Variants in NREP observed in about 807,000 individuals in gnomAD.
NREP encodes the protein neuronal regeneration-related protein.
A neutral mutation model predicts 8.6 loss-of-function variants in NREP; 5 were observed. That is an observed-to-expected ratio of 0.58 (90% CI 0.30 to 1.22). The LOEUF (loss-of-function observed/expected upper bound fraction) is 1.22, where lower values mean the gene tolerates loss of function less well. Ranked by LOEUF, NREP falls within the 50% of genes most tolerant of loss-of-function variation. The pLI is 0.07. For missense variants in NREP, 86 were observed against 82.5 expected, an observed-to-expected ratio of 1.04 and a Z score of -0.17; for synonymous variants, 27 against 28.0, an observed-to-expected ratio of 0.96 and a Z score of 0.11.
chr5:111,817,413 GT>G (rs1464851630), intron 2 of NREP, among the ~76,000 whole-genome samples: 4 of 152,104 alleles, frequency 2.6e-5, no homozygotes, highest in African/African-American at 9.7e-5. Context: ...GATTTCTGAA[GT>G]TTTTGTCAAT....
intron 2 of NREP, among the ~76,000 whole-genome samples, chr5:111,932,786 C>T (rs182413197): frequency 1.3e-5 from 2 of 152,102 alleles, no homozygotes; most frequent in Middle Eastern, 3.4e-3. Context: ...TTCATACTGC[C>T]GCGGAAGCCA....
chr5:111,825,214 AAAAT>A (rs1215983588), intron 2 of NREP, among the ~76,000 whole-genome samples: 15 of 152,082 alleles, frequency 9.9e-5, no homozygotes, highest in East Asian at 1.9e-4. Context: ...TAAATATAGA[AAAAT>A]AAATAAATAA....
At chr5:111,841,461 C>G (rs983965369) in intron 2 of NREP, among the ~76,000 whole-genome samples, 1 of 152,108 alleles carries the variant, frequency 6.6e-6, no homozygotes, top group African/African-American at 2.4e-5. Context: ...GTCTCTATAG[C>G]AGTAGCTGGA....
chr5:111,853,981 A>G (rs896786549), intron 2 of NREP, among the ~76,000 whole-genome samples: 1 of 152,130 alleles, frequency 6.6e-6, no homozygotes, highest in Admixed American at 6.6e-5. Flanking sequence ...CCAATTAAAT[A>G]TCACATTTTC....
At chr5:111,968,213 A>G (rs1219729198) in intron 2 of NREP, among the ~76,000 whole-genome samples, 1 of 151,990 alleles carries the variant, frequency 6.6e-6, no homozygotes, top group Non-Finnish European at 1.5e-5. Context: ...TGCCTTTTTA[A>G]AAATCTTAAA....
At chr5:111,891,741 A>C (rs1298333349) in intron 2 of NREP, among the ~76,000 whole-genome samples, 1 of 152,188 alleles carries the variant, frequency 6.6e-6, no homozygotes, top group Non-Finnish European at 1.5e-5. Context: ...GAGCAGGAGC[A>C]AGAGGGGAGA....
At chr5:111,935,761 T>A (rs949271519) in intron 2 of NREP, among the ~76,000 whole-genome samples, 1 of 152,090 alleles carries the variant, frequency 6.6e-6, no homozygotes, top group African/African-American at 2.4e-5. Flanking sequence ...AGGAATACCA[T>A]CCCCTTTCTA....
intron 2 of NREP, among the ~76,000 whole-genome samples, chr5:111,809,284 G>C (rs1197637074): frequency 6.6e-6 from 1 of 152,110 alleles, no homozygotes; most frequent in Admixed American, 6.5e-5. Flanking sequence ...TCTACTTTCA[G>C]TCCAACCCTA....
At chr5:111,788,862 G>T (rs1175505303) in intron 2 of NREP, among the ~76,000 whole-genome samples, 1 of 152,192 alleles carries the variant, frequency 6.6e-6, no homozygotes, top group African/African-American at 2.4e-5. Context: ...TAATGTGGGT[G>T]GGCCTCATCC....
chr5:111,975,244 C>A, intron 2 of NREP: 1 of 1,490,840 alleles, frequency 6.7e-7, no homozygotes, highest in Non-Finnish European at 9.2e-7. Flanking sequence ...TTAACAAACA[C>A]GAGCAAATCA....
At chr5:111,810,458 T>C (rs1026469067) in intron 2 of NREP, among the ~76,000 whole-genome samples, 1 of 152,226 alleles carries the variant, frequency 6.6e-6, no homozygotes, top group African/African-American at 2.4e-5. Flanking sequence ...TGGCCCAGAT[T>C]GGAACCGCCC....
At chr5:111,914,265 C>T (rs147637469) in intron 2 of NREP, among the ~76,000 whole-genome samples, 59 of 152,222 alleles carry the variant, frequency 3.9e-4, no homozygotes, top group African/African-American at 1.4e-3. Flanking sequence ...TATTCAAAGA[C>T]CTATGCTAAC....
At chr5:111,856,557 C>G (rs1753432341) in intron 2 of NREP, among the ~76,000 whole-genome samples, 1 of 152,162 alleles carries the variant, frequency 6.6e-6, no homozygotes, top group African/African-American at 2.4e-5. Flanking sequence ...AAATCTCCAT[C>G]TGAATTCCAG....
At chr5:111,792,139 G>C (rs958043922) in intron 2 of NREP, among the ~76,000 whole-genome samples, 1 of 152,112 alleles carries the variant, frequency 6.6e-6, no homozygotes, top group Non-Finnish European at 1.5e-5. Context: ...TATTTTGACA[G>C]GCTGACAATA....
At chr5:111,782,549 C>T (rs1322782043) in intron 2 of NREP, among the ~76,000 whole-genome samples, 1 of 152,060 alleles carries the variant, frequency 6.6e-6, no homozygotes, top group African/African-American at 2.4e-5. Context: ...CTATAGGAAA[C>T]GTTTGACTCT....
At chr5:111,758,580 G>A (rs1323341257), upstream of NREP, among the ~76,000 whole-genome samples, 1 of 151,888 alleles carries the variant, frequency 6.6e-6, no homozygotes, top group African/African-American at 2.4e-5. Flanking sequence ...TAATTAAATT[G>A]CCTTTCCAAG....
intron 2 of NREP, among the ~76,000 whole-genome samples, chr5:111,806,085 T>C (rs536073414): frequency 1.3e-5 from 2 of 152,314 alleles, no homozygotes; most frequent in East Asian, 1.9e-4. Context: ...ATAAGTGTTA[T>C]TGTGTTATTC....
intron 2 of NREP, among the ~76,000 whole-genome samples, chr5:111,969,842 C>A (rs1293821889): frequency 6.6e-6 from 1 of 152,080 alleles, no homozygotes; most frequent in African/African-American, 2.4e-5. Context: ...AGCTGAGGGT[C>A]ACTGGGTAAA....
intron 2 of NREP, among the ~76,000 whole-genome samples, chr5:111,742,385 TTAAC>T (rs1033484992): frequency 7.9e-5 from 12 of 152,008 alleles, no homozygotes; most frequent in Admixed American, 1.3e-4. Flanking sequence ...TTTCTAGACT[TTAAC>T]TAGGCACAGA....
Sources: gnomAD v4.1 joint callset for allele counts (sites outside exome capture counted in the v4.1 genomes callset) on GRCh38, gnomAD v4.1.1 for gene constraint, MANE v1.5 for transcripts, NCBI Gene and HGNC (gene_info 2026-07-23, HGNC 2026-07-21) for gene names.